Variants in NDE1 observed in about 807,000 individuals in gnomAD.
NDE1 encodes the protein nuclear distribution protein nudE homolog 1.
A neutral mutation model predicts 43.4 loss-of-function variants in NDE1; 28 were observed. That is an observed-to-expected ratio of 0.65 (90% CI 0.48 to 0.89). The LOEUF (loss-of-function observed/expected upper bound fraction) is 0.89, where lower values mean the gene tolerates loss of function less well. NDE1 is among the 40% of genes least tolerant of loss of function. The probability of loss-of-function intolerance (pLI) is 0.00; values close to 1 mark genes in which losing one functional copy is unlikely to be tolerated. For missense variants in NDE1, 441 were observed against 434.1 expected, an observed-to-expected ratio of 1.02 and a Z score of -0.14; for synonymous variants, 184 against 172.0, an observed-to-expected ratio of 1.07 and a Z score of -0.55.
At chr16:15,686,316 T>A in intron 4 of NDE1, 1 of 936,094 alleles carries the variant, frequency 1.1e-6, no homozygotes, top group African/African-American at 1.8e-5. Flanking sequence ...TTACTATCCT[T>A]GTTTTGCATG....
At chr16:15,650,595 G>A (rs1004486359) in intron 1 of NDE1, among the ~76,000 whole-genome samples, 12 of 152,194 alleles carry the variant, frequency 7.9e-5, no homozygotes, top group African/African-American at 2.7e-4. Context: ...CTCTTTCTGC[G>A]TTGGTCTCTC....
chr16:15,696,927 AC>A (rs1007302702), intron 8 of NDE1, 67 bp downstream of exon 8: 6 of 1,589,716 alleles, frequency 3.8e-6, no homozygotes, highest in Non-Finnish European at 4.3e-6. Flanking sequence ...AGAGACACTC[AC>A]CCCCAGCCCA....
intron 1 of NDE1, among the ~76,000 whole-genome samples, chr16:15,658,509 T>G (rs1184022296): frequency 6.7e-6 from 1 of 149,914 alleles, no homozygotes; most frequent in Non-Finnish European, 1.5e-5. Flanking sequence ...GTGTGGAGGA[T>G]GATGTCAGAT....
chr16:15,710,489 C>G (rs1395485524), intron 8 of NDE1, among the ~76,000 whole-genome samples: 3 of 152,064 alleles, frequency 2.0e-5, no homozygotes, highest in African/African-American at 7.2e-5. Context: ...CCACTGCACT[C>G]CAGCCTGGCA....
At chr16:15,695,305 C>T (rs1184761047) in intron 7 of NDE1, among the ~76,000 whole-genome samples, 3 of 129,196 alleles carry the variant, frequency 2.3e-5, no homozygotes, top group East Asian at 2.4e-4. Flanking sequence ...GTCAGGAATT[C>T]AAGACCAGCC....
Position 15,725,135 on chromosome 16 carries a change from A to T in NDE1, c.*884A>T, listed in dbSNP as rs2040687874. 4.9e-5 allele frequency: 11 copies of T among 222,330 alleles called. No homozygotes were observed. Among genetic ancestry groups the T allele is most frequent in the Admixed American group, 3.6e-4 (6 of 16,610 alleles). The allele number at this position is 222,330 out of a possible 1,614,324, so 13.8% of individuals were successfully genotyped here. A position where few individuals can be genotyped will look rare whatever the true frequency, so the allele number is the denominator to read the frequency against. On this transcript the variant is annotated 3_prime_UTR_variant, in exon 9 of 9. Transcript: ENST00000396354. ...TACCCGTGAGGTATGGGACTCTGAT[A>T]AAAAAAAAAAAAAACACACACACAC...
intron 4 of NDE1, chr16:15,686,500 T>C (rs2038445877): frequency 1.0e-6 from 1 of 985,270 alleles, no homozygotes; most frequent in African/African-American, 1.7e-5. Context: ...AGGTTAAATA[T>C]GATCTCTTCC....
chr16:15,693,797 G>A lies in NDE1; in HGVS notation c.704-368G>A, dbSNP rs376266584. On this transcript the variant is annotated intron_variant, in intron 6 of 8. Coordinates refer to ENST00000396354, the MANE Select transcript of NDE1 (RefSeq NM_017668.3). The stretch of plus-strand genomic sequence containing the variant: ...TCTACTAAAAATACAAAAATTAGCC[G>A]GGTGTGGTGGCACATGGCTATAATC... Among the ~76,000 whole-genome samples, 7 of 152,240 alleles carry A rather than the reference G, an allele frequency of 4.6e-5. No individual in the cohort carries two copies. In the South Asian group the frequency reaches 1.2e-3, roughly 27 times the overall value.
At chr16:15,719,580 T>C in intron 8 of NDE1, 1 of 1,614,130 alleles carries the variant, frequency 6.2e-7, no homozygotes, top group South Asian at 1.1e-5. Context: ...AAGGCGAGGC[T>C]TTACCTCTTG....
intron 1 of NDE1, among the ~76,000 whole-genome samples, chr16:15,659,910 G>A (rs947414774): frequency 2.6e-5 from 4 of 151,560 alleles, no homozygotes; most frequent in Admixed American, 6.6e-5. Flanking sequence ...CACTGCGCCC[G>A]CCTAATTTTT....
At chr16:15,675,058 C>A (rs1782215822) in intron 3 of NDE1, among the ~76,000 whole-genome samples, 1 of 152,054 alleles carries the variant, frequency 6.6e-6, no homozygotes, top group Admixed American at 6.6e-5. Context: ...TTGCTGGGGG[C>A]TTCAGACAAT....
chr16:15,695,556 T>C lies in NDE1; in HGVS notation c.796-1153T>C, dbSNP rs542302595. The stretch of plus-strand genomic sequence containing the variant: ...GCAAAGAATTTGGCCTTTCAGCTTT[T>C]ATGTTAATTACAGGGAGGGATCCTT... On this transcript the variant is annotated intron_variant, in intron 7 of 8. Coordinates refer to ENST00000396354, the MANE Select transcript of NDE1 (RefSeq NM_017668.3). 4.1e-6 allele frequency: 4 copies of C among 985,090 alleles called. No individual in the cohort carries two copies. In the African/African-American group the frequency reaches 7.0e-5, roughly 17 times the overall value. 61.0% of individuals were successfully genotyped at this position (985,090 alleles called of 1,614,324 possible).
chr16:15,678,829 C>T (rs1289790142), intron 4 of NDE1, among the ~76,000 whole-genome samples: 1 of 152,120 alleles, frequency 6.6e-6, no homozygotes, highest in East Asian at 1.9e-4. Flanking sequence ...GTAATCCCAG[C>T]ACTTTTGGAG....
chr16:15,691,555 G>T (rs568452864), intron 6 of NDE1, among the ~76,000 whole-genome samples: 2 of 152,050 alleles, frequency 1.3e-5, no homozygotes, highest in African/African-American at 4.8e-5. Flanking sequence ...CACCCAGAGC[G>T]GGTGGCTGCC....
intron 8 of NDE1, chr16:15,699,964 A>G (rs761793862): frequency 2.2e-4 from 266 of 1,208,260 alleles, no homozygotes; most frequent in Non-Finnish European, 2.6e-4. Context: ...GCCCAAGCCA[A>G]TGACCGAGGC....
At chr16:15,679,843 A>G (rs2038084293) in intron 4 of NDE1, among the ~76,000 whole-genome samples, 1 of 152,134 alleles carries the variant, frequency 6.6e-6, no homozygotes, top group Non-Finnish European at 1.5e-5. Flanking sequence ...CAGTGGTGCG[A>G]TCTCTGCTCA....
chr16:15,694,322 T>C, intron 7 of NDE1, 66 bp downstream of exon 7: 1 of 1,586,432 alleles, frequency 6.3e-7, no homozygotes, highest in South Asian at 1.1e-5. Flanking sequence ...TGAAGGGGGT[T>C]GATCTAGTTC....
intron 8 of NDE1, among the ~76,000 whole-genome samples, chr16:15,702,391 G>C (rs2151156683): frequency 1.3e-5 from 2 of 152,240 alleles, no homozygotes; most frequent in African/African-American, 4.8e-5. Flanking sequence ...CTGGCTGGGT[G>C]GGTGGTGGTG....
At chr16:15,704,336 A>C (rs2039337892) in intron 8 of NDE1, among the ~76,000 whole-genome samples, 1 of 152,180 alleles carries the variant, frequency 6.6e-6, no homozygotes. Context: ...ATTGAATTTA[A>C]TCAGCTGAAA....
Sources: allele counts gnomAD v4.1 joint callset (sites outside exome capture counted in the v4.1 genomes callset), GRCh38; gene constraint gnomAD v4.1.1; transcripts MANE v1.5; gene names NCBI Gene and HGNC (gene_info 2026-07-23, HGNC 2026-07-21).